SYT16: variants seen among roughly 807,000 people sequenced by gnomAD.
SYT16 encodes the protein synaptotagmin 16.
SYT16 carries 42 observed loss-of-function variants against 61.4 expected under a neutral mutation model. That is an observed-to-expected ratio of 0.68 (90% CI 0.53 to 0.89). The LOEUF (loss-of-function observed/expected upper bound fraction) is 0.89. SYT16 is among the 40% of genes least tolerant of loss of function. SYT16 has a pLI of 0.00. For missense variants in SYT16, 804 were observed against 807.3 expected (o/e 1.00, Z 0.05); for synonymous variants, 314 against 302.3 (o/e 1.04, Z -0.40).
rs1410046448 is a variant in SYT16 at position 62,100,446 on chromosome 14, T to C, written c.1677T>C (p.Arg559=). 3 of 1,613,176 alleles carry C rather than the reference T, an allele frequency of 1.9e-6. No individual in the cohort carries two copies. Among genetic ancestry groups the C allele is most frequent in the African/African-American group, 1.3e-5 (1 of 74,910 alleles). The change falls in exon 8 of 8, where the codon CGT becomes CGC. Residue 559 remains arginine (R), a synonymous_variant. Transcript: ENST00000683842. The stretch of plus-strand genomic sequence containing the variant: ...ATTCTGTGGGTCAAGAGATGTCCCG[T>C]TGCAAGACGTCCATTCGGCGTGGTC... ...LLNSVGQEMS[R]CKTSIRRGQP...
At chr14:61,929,173 T>G (rs987178877) in intron 1 of SYT16, among the ~76,000 whole-genome samples, 1 of 152,220 alleles carries the variant, frequency 6.6e-6, no homozygotes, top group African/African-American at 2.4e-5. Context: ...CATCTAGCTA[T>G]GCTCAGTGCA....
intron 1 of SYT16, among the ~76,000 whole-genome samples, chr14:61,883,699 T>C (rs1441372630): frequency 6.6e-6 from 1 of 152,208 alleles, no homozygotes; most frequent in Non-Finnish European, 1.5e-5. Flanking sequence ...AGTACCCCAC[T>C]CTTGGTACCA....
chr14:62,064,334 G>GAAAAAAAAAAAAAAAAAAAAAAA (rs781727444), intron 3 of SYT16, among the ~76,000 whole-genome samples: 2 of 42,986 alleles, frequency 4.7e-5, no homozygotes, highest in Non-Finnish European at 8.9e-5. Flanking sequence ...CTTTAAATTT[G>GAAAAAAAAAAAAAAAAAAAAAAA]AAAAAAAAAA....
chr14:61,953,308 G>C (rs191744195), intron 1 of SYT16, among the ~76,000 whole-genome samples: 1 of 152,202 alleles, frequency 6.6e-6, no homozygotes, highest in Admixed American at 6.5e-5. Context: ...TGATTGCAAA[G>C]AAAATCTGAA....
At chr14:62,025,315 T>C (rs997530619) in intron 3 of SYT16, among the ~76,000 whole-genome samples, 1 of 152,154 alleles carries the variant, frequency 6.6e-6, no homozygotes, top group African/African-American at 2.4e-5. Context: ...TAGTGTCTTA[T>C]TGGTGTTTTA....
At chr14:61,888,838 C>T (rs1012423981) in intron 1 of SYT16, among the ~76,000 whole-genome samples, 3 of 148,464 alleles carry the variant, frequency 2.0e-5, no homozygotes, top group Admixed American at 6.7e-5. Context: ...CAAGATATAT[C>T]TATTTTTTTC....
At chr14:62,098,158 T>C (rs566345319) in intron 7 of SYT16, among the ~76,000 whole-genome samples, 1 of 152,366 alleles carries the variant, frequency 6.6e-6, no homozygotes, top group Admixed American at 6.5e-5. Flanking sequence ...TTTCCTATCT[T>C]ACAATGCTTT....
chr14:61,987,785 C>A (rs1346260824), intron 2 of SYT16, among the ~76,000 whole-genome samples: 1 of 146,544 alleles, frequency 6.8e-6, no homozygotes. Flanking sequence ...GCTGATATTA[C>A]TTTTATAATT....
intron 3 of SYT16, among the ~76,000 whole-genome samples, chr14:62,030,455 C>G (rs2054271525): frequency 6.6e-6 from 1 of 152,190 alleles, no homozygotes; most frequent in East Asian, 1.9e-4. Flanking sequence ...TGTACGGAGA[C>G]AAGTGTGGCC....
At chr14:61,877,852 A>G (rs2047553857) in intron 1 of SYT16, among the ~76,000 whole-genome samples, 1 of 152,184 alleles carries the variant, frequency 6.6e-6, no homozygotes, top group Non-Finnish European at 1.5e-5. Flanking sequence ...ACATGCTGGA[A>G]TTATTTAGGC....
At chr14:61,877,171 T>C (rs1242207255) in intron 1 of SYT16, among the ~76,000 whole-genome samples, 3 of 152,120 alleles carry the variant, frequency 2.0e-5, no homozygotes, top group Non-Finnish European at 4.4e-5. Flanking sequence ...TTGGGTCTTC[T>C]TCCCTCCCAG....
chr14:61,963,742 A>G (rs890317121), intron 1 of SYT16, among the ~76,000 whole-genome samples: 6 of 152,198 alleles, frequency 3.9e-5, no homozygotes, highest in Non-Finnish European at 8.8e-5. Context: ...TAGGATTTTC[A>G]TGGCTAGAGA....
intron 1 of SYT16, chr14:61,864,991 T>C (rs2047096469): frequency 7.2e-7 from 1 of 1,396,610 alleles, no homozygotes; most frequent in Non-Finnish European, 1.0e-6. Flanking sequence ...CCTCTTACAG[T>C]GGCAGCCTGT....
At position 62,080,922 on chromosome 14, in the gene SYT16, G is replaced by A. The variant is rs1272559097; in HGVS notation, c.1082G>A (p.Arg361Lys). ...CGDLDVIFEYRAASQKLTVTI... is the reference protein window; with the variant it reads ...CGDLDVIFEYKAASQKLTVTI... ...GACCTAGATGTCATCTTTGAATATA[G>A]AGCCGCCAGCCAGAAGCTCACAGTG... Residue 361 changes from arginine (R) to lysine (K), a missense_variant, in exon 6 of 8, where the codon AGA becomes AAA. Coordinates refer to ENST00000683842, the MANE Select transcript of SYT16 (RefSeq NM_001367656.1). The A allele has an allele frequency of 3.7e-6, 6 of 1,607,878 alleles. No individual in the cohort carries two copies. Among genetic ancestry groups the A allele is most frequent in the Non-Finnish European group, 5.1e-6 (6 of 1,177,196 alleles).
At chr14:61,990,616 A>G (rs767012348) in intron 2 of SYT16, among the ~76,000 whole-genome samples, 1 of 152,204 alleles carries the variant, frequency 6.6e-6, no homozygotes. Flanking sequence ...TGAAAATCAC[A>G]CAGGCATACA....
chr14:61,961,935 C>A (rs1342283433), intron 1 of SYT16, among the ~76,000 whole-genome samples: 4 of 152,086 alleles, frequency 2.6e-5, no homozygotes, highest in Non-Finnish European at 5.9e-5. Context: ...ACTACATAGC[C>A]ATAGAAAAGA....
In SYT16 at chr14:61,845,452, A is replaced by G. The variant is rs10130411; in HGVS notation, c.-325+32642A>G. Among the ~76,000 whole-genome samples, 340 of 152,100 alleles carry G rather than the reference A, an allele frequency of 2.2e-3. 1 individual carries two copies. The highest frequency in any genetic ancestry group is 8.0e-3 in the African/African-American group (333 of 41,506). ...GTTGTATGTGTCTAGAAATTTATCAATTTCTTCTAGATGTTTCAATTTATT... is the reference window on the plus strand; with the variant it reads ...GTTGTATGTGTCTAGAAATTTATCAGTTTCTTCTAGATGTTTCAATTTATT... On this transcript the variant is annotated intron_variant, in intron 1 of 7. Transcript: ENST00000683842.
At position 62,044,756 on chromosome 14, in the gene SYT16, C is replaced by T. The variant is rs75984069; in HGVS notation, c.524-24847C>T. ...TTGTGGGTTTTGCTGGGCTGACTGCCGGACTTGAGTAAGTGCTGATAAGCA... is the reference window on the plus strand; with the variant it reads ...TTGTGGGTTTTGCTGGGCTGACTGCTGGACTTGAGTAAGTGCTGATAAGCA... On this transcript the variant is annotated intron_variant, in intron 3 of 7. Transcript: ENST00000683842. 1.3e-4 allele frequency among the ~76,000 whole-genome samples: 20 copies of T among 152,194 alleles called. No homozygotes were observed. In the East Asian group the frequency reaches 3.3e-3, roughly 25 times the overall value.
chr14:62,048,433 G>A (rs1373336377), intron 3 of SYT16, among the ~76,000 whole-genome samples: 2 of 151,978 alleles, frequency 1.3e-5, no homozygotes, highest in Admixed American at 1.3e-4. Context: ...ACCAGCTCCT[G>A]GATTCATTGA....
Sources: gnomAD v4.1 joint callset for allele counts (sites outside exome capture counted in the v4.1 genomes callset) on GRCh38, gnomAD v4.1.1 for gene constraint, MANE v1.5 for transcripts, NCBI Gene and HGNC (gene_info 2026-07-23, HGNC 2026-07-21) for gene names.